TNPO1: variants seen among roughly 807,000 people sequenced by gnomAD.
TNPO1 encodes the protein transportin-1.
TNPO1 carries 8 observed loss-of-function variants against 119.5 expected under a neutral mutation model. The observed-to-expected ratio is 0.07, with a 90% CI of 0.04 to 0.12. The LOEUF (loss-of-function observed/expected upper bound fraction) is 0.12, where lower values mean the gene tolerates loss of function less well. TNPO1 is among the 10% of genes least tolerant of loss of function. The pLI, the probability that TNPO1 is intolerant of heterozygous loss-of-function variation, is 1.00. For synonymous variants in TNPO1, 362 were observed against 363.0 expected (o/e 1.00, Z 0.03); for missense variants, 576 against 1,089.8 (o/e 0.53, Z 6.64).
At chr5:72,848,848 T>G (rs1278900462) in intron 2 of TNPO1, among the ~76,000 whole-genome samples, 3 of 149,230 alleles carry the variant, frequency 2.0e-5, no homozygotes, top group Non-Finnish European at 3.0e-5. Flanking sequence ...GCCGCGGGGG[T>G]AGGGAGCGGG....
chr5:72,820,394 A>G (rs1474927454), intron 1 of TNPO1, among the ~76,000 whole-genome samples: 2 of 152,156 alleles, frequency 1.3e-5, no homozygotes, highest in African/African-American at 2.4e-5. Flanking sequence ...ACTTATTAAT[A>G]TAATAAATTG....
chr5:72,906,663 T>G (rs1196106279), intron 24 of TNPO1, among the ~76,000 whole-genome samples: 2 of 152,228 alleles, frequency 1.3e-5, no homozygotes, highest in African/African-American at 4.8e-5. Context: ...TCATTTGGAC[T>G]CTTGCTCCTT....
At chr5:72,855,965 TG>T (rs762737798) in intron 4 of TNPO1, 42 bp downstream of exon 4, 39 of 1,595,532 alleles carry the variant, frequency 2.4e-5, no homozygotes, top group Non-Finnish European at 3.3e-5. Context: ...TGTTTGTAAC[TG>T]GGTCATTTTT....
At chr5:72,887,353 T>C in intron 12 of TNPO1, 131 bp downstream of exon 12, 1 of 1,018,564 alleles carries the variant, frequency 9.8e-7, no homozygotes, top group South Asian at 2.1e-5. Context: ...TAGGCCGTCT[T>C]CTAACCCCAG....
intron 1 of TNPO1, among the ~76,000 whole-genome samples, chr5:72,821,554 G>A (rs6894998): frequency 0.47 from 72,005 of 151,956 alleles, 18,333 homozygotes; most frequent in Admixed American, 0.61. Flanking sequence ...TTTGACTGGA[G>A]CATAGCAGAA....
chr5:72,890,783 T>TACA lies in TNPO1; in HGVS notation c.1701+827_1701+828insCAA, dbSNP rs1466952287. On this transcript the variant is annotated intron_variant, in intron 14 of 24. Coordinates refer to ENST00000337273, the MANE Select transcript of TNPO1 (RefSeq NM_002270.4). The stretch of plus-strand genomic sequence containing the variant: ...TTGTTTTTCTACAAAAGCATCTGTG[T>TACA]AAGTTTACCTGTTGATTTAAAAATG... 8.6e-5 allele frequency among the ~76,000 whole-genome samples: 13 copies of TACA among 151,402 alleles called. No individual in the cohort carries two copies. In the East Asian group the frequency reaches 1.2e-3, roughly 13 times the overall value.
At chr5:72,853,696 T>G (rs945713624) in intron 3 of TNPO1, among the ~76,000 whole-genome samples, 1 of 152,092 alleles carries the variant, frequency 6.6e-6, no homozygotes, top group African/African-American at 2.4e-5. Flanking sequence ...GACACAAGTT[T>G]GCTGCATGTA....
rs1748915344 is a variant in TNPO1 at position 72,889,751 on chromosome 5, G to C, written c.1530-35G>C. ...AATTAAGAGTTAGATATATCTTACA[G>C]TCAATAAGTATTCTTTTTTTTTTTT... is the stretch of plus-strand genomic sequence containing the variant. On this transcript the variant is annotated intron_variant, in intron 13 of 24. Transcript: ENST00000337273. The C allele has an allele frequency of 1.9e-6, 3 of 1,549,918 alleles. No individual in the cohort carries two copies. In the South Asian group the frequency reaches 3.7e-5, roughly 19 times the overall value.
rs1747577964 is a variant in TNPO1, at chr5:72,873,823, T to C, written c.678+1103T>C. On this transcript the variant is annotated intron_variant, in intron 7 of 24. Coordinates refer to ENST00000337273, the MANE Select transcript of TNPO1 (RefSeq NM_002270.4). ...TCAATAATTGACCTACCTTGTTGGA[T>C]TGTTATAAACCTAGTTGATATAAGT... Among the ~76,000 whole-genome samples, 3 of 152,128 alleles carry C rather than the reference T, an allele frequency of 2.0e-5. No individual in the cohort carries two copies. The South Asian group carries it at 6.2e-4, about 31-fold the overall frequency.
chr5:72,866,814 G>A (rs1299497894), intron 6 of TNPO1, among the ~76,000 whole-genome samples: 3 of 151,866 alleles, frequency 2.0e-5, no homozygotes, highest in South Asian at 2.1e-4. Flanking sequence ...CACCATTGCT[G>A]GATATTAAAT....
rs1746846255 is a variant in TNPO1, at chr5:72,865,836, T to C, written c.596+107T>C. On this transcript the variant is annotated intron_variant, in intron 6 of 24. Coordinates refer to ENST00000337273, the MANE Select transcript of TNPO1 (RefSeq NM_002270.4). ...ACATTAGCAAAAGATCAAAAGATAT[T>C]GGATGTTCCAGAGAGGTGAACTTAT... 5.8e-6 allele frequency: 7 copies of C among 1,206,472 alleles called. 1 individual carries two copies. Among genetic ancestry groups the C allele is most frequent in the Admixed American group, 2.4e-5 (1 of 41,142 alleles). The allele number at this position is 1,206,472 out of a possible 1,614,324, so 74.7% of individuals were successfully genotyped here.
At chr5:72,876,823 G>C (rs934045980) in intron 8 of TNPO1, among the ~76,000 whole-genome samples, 1 of 152,122 alleles carries the variant, frequency 6.6e-6, no homozygotes, top group East Asian at 1.9e-4. Flanking sequence ...GGCCGGGTGC[G>C]GTGGCTCACA....
intron 12 of TNPO1, among the ~76,000 whole-genome samples, 153 bp downstream of exon 12, chr5:72,887,375 G>A (rs1211644181): frequency 6.6e-6 from 1 of 152,118 alleles, no homozygotes; most frequent in East Asian, 1.9e-4. Flanking sequence ...TAGATATTTT[G>A]CAAAATGTTT....
intron 4 of TNPO1, among the ~76,000 whole-genome samples, chr5:72,859,887 A>G (rs1250950945): frequency 1.3e-5 from 2 of 152,226 alleles, no homozygotes; most frequent in South Asian, 2.1e-4. Flanking sequence ...GGTTTCTTTT[A>G]GACAGATCCA....
rs1750726428 is a variant in TNPO1, at chr5:72,913,990, A to G, written c.*5317A>G. On this transcript the variant is annotated 3_prime_UTR_variant, in exon 25 of 25. Transcript: ENST00000337273. ...TTGGGTGCAATAATTTAGTAGCATT[A>G]GCTTTAGTTACAAATATAACTGGAT... 2.0e-5 allele frequency: 3 copies of G among 152,594 alleles called. No individual in the cohort carries two copies. The South Asian group carries it at 6.2e-4, about 32-fold the overall frequency. The allele number at this position is 152,594 out of a possible 1,614,324, so 9.5% of individuals were successfully genotyped here.
At chr5:72,822,295 A>T (rs2112161409) in intron 1 of TNPO1, among the ~76,000 whole-genome samples, 2 of 151,796 alleles carry the variant, frequency 1.3e-5, no homozygotes, top group Middle Eastern at 6.8e-3. Context: ...TTACCTCACC[A>T]GCAGAAAAAT....
chr5:72,840,225 A>C (rs1003518926), intron 1 of TNPO1, among the ~76,000 whole-genome samples: 1 of 152,182 alleles, frequency 6.6e-6, no homozygotes, highest in Non-Finnish European at 1.5e-5. Context: ...AGTTCAGTGC[A>C]TGGGCTCTGG....
rs114283714 is a variant in TNPO1 at position 72,874,649 on chromosome 5, A to T, written c.679-966A>T. On this transcript the variant is annotated intron_variant, in intron 7 of 24. Transcript: ENST00000337273. Reference sequence around the variant, plus strand: ...CAGGACTTGGGGAAATCAACATTTTAAAAATGCTGCAATAGTACTTCACAC... The same window carrying T: ...CAGGACTTGGGGAAATCAACATTTTTAAAATGCTGCAATAGTACTTCACAC... Among the ~76,000 whole-genome samples, 88 of 152,304 alleles carry T rather than the reference A, an allele frequency of 5.8e-4. 1 individual carries two copies. The highest frequency in any genetic ancestry group is 2.0e-3 in the African/African-American group (85 of 41,570).
chr5:72,867,688 C>A (rs759245357), intron 6 of TNPO1, among the ~76,000 whole-genome samples: 4 of 152,192 alleles, frequency 2.6e-5, no homozygotes, highest in Non-Finnish European at 4.4e-5. Context: ...CCTTACATTT[C>A]TTGATAGATA....
Sources: allele counts gnomAD v4.1 joint callset (sites outside exome capture counted in the v4.1 genomes callset), GRCh38; gene constraint gnomAD v4.1.1; transcripts MANE v1.5; gene names NCBI Gene and HGNC (gene_info 2026-07-23, HGNC 2026-07-21).